CSRP2: variants seen among roughly 807,000 people sequenced by gnomAD.
CSRP2 encodes the protein cysteine and glycine rich protein 2.
Under a neutral mutation model 24.6 loss-of-function variants are expected in CSRP2, and 18 were observed. The observed-to-expected ratio is 0.73, with a 90% CI of 0.51 to 1.09. The LOEUF is 1.09. Ranked by LOEUF, CSRP2 falls within the 50% of genes least tolerant of loss-of-function variation. CSRP2 has a pLI of 0.00. For missense variants in CSRP2, 215 were observed against 239.4 expected (o/e 0.90, Z 0.67); for synonymous variants, 87 against 84.3 (o/e 1.03, Z -0.18).
At chr12:76,859,156 G>C in intron 5 of CSRP2, 128 bp from the exon 6 acceptor site, 1 of 719,410 alleles carries the variant, frequency 1.4e-6, no homozygotes, top group Non-Finnish European at 2.4e-6. Context: ...TATTTAAGAT[G>C]TTAAATGTGT....
At chr12:76,862,887 A>T (rs779581287) in intron 3 of CSRP2, 1 of 1,530,762 alleles carries the variant, frequency 6.5e-7, no homozygotes, top group South Asian at 1.2e-5. Context: ...CCGGTCTCCA[A>T]GGTGCTGTGA....
chr12:76,875,532 TA>T (rs1223587651), intron 1 of CSRP2, among the ~76,000 whole-genome samples: 2 of 152,234 alleles, frequency 1.3e-5, no homozygotes, highest in Non-Finnish European at 2.9e-5. Flanking sequence ...ACAAGTTATT[TA>T]ATTATTCAAA....
Position 76,859,566 on chromosome 12 carries a change from T to C in CSRP2, c.486A>G (p.Glu162=), listed in dbSNP as rs777784627. The part of the protein sequence containing the change: ...SLESTTLTEK[E]GEIYCKGCYA... The stretch of plus-strand genomic sequence containing the variant: ...TTTTACCTTTACAATAGATTTCACC[T>C]TCTTTTTCAGTCAGAGTTGTTGATT... The change falls in exon 5 of 6, where the codon GAA becomes GAG. Residue 162 remains glutamate (E), a synonymous_variant. Coordinates refer to ENST00000311083, the MANE Select transcript of CSRP2 (RefSeq NM_001321.3). The C allele has an allele frequency of 6.2e-7, 1 of 1,613,410 alleles. No homozygotes were observed. The highest frequency in any genetic ancestry group is 8.5e-7 in the Non-Finnish European group (1 of 1,179,516).
chr12:76,870,697 A>ATT (rs983228951), intron 1 of CSRP2, among the ~76,000 whole-genome samples: 3 of 145,282 alleles, frequency 2.1e-5, no homozygotes, highest in Non-Finnish European at 4.6e-5. Flanking sequence ...TTGGATTTAC[A>ATT]TTTTTTTTTT....
At chr12:76,866,713 A>G (rs1464471965) in intron 1 of CSRP2, among the ~76,000 whole-genome samples, 1 of 152,234 alleles carries the variant, frequency 6.6e-6, no homozygotes. Flanking sequence ...TAATTGTAAC[A>G]ACACTAAATT....
intron 1 of CSRP2, among the ~76,000 whole-genome samples, chr12:76,873,935 C>G (rs1953827069): frequency 6.6e-6 from 1 of 152,130 alleles, no homozygotes; most frequent in Non-Finnish European, 1.5e-5. Context: ...TTATGAAGCT[C>G]TCATATAAAT....
Position 76,866,754 on chromosome 12 carries a change from C to T in CSRP2, c.-1-493G>A, listed in dbSNP as rs199967707. On this transcript the variant is annotated intron_variant, in intron 1 of 5. Coordinates refer to ENST00000311083, the MANE Select transcript of CSRP2 (RefSeq NM_001321.3). ...CGTTTAACATATATAAGCTATAACA[C>T]GCTTTCTAGGGAACAAAGTGTGTTG... Among the ~76,000 whole-genome samples, 20 of 152,294 alleles carry T rather than the reference C, an allele frequency of 1.3e-4. No homozygotes were observed. In the East Asian group the frequency reaches 2.3e-3, roughly 18 times the overall value.
rs138915986 is a variant in CSRP2, at chr12:76,867,468, C to T, written c.-1-1207G>A. On this transcript the variant is annotated intron_variant, in intron 1 of 5. Coordinates refer to ENST00000311083, the MANE Select transcript of CSRP2 (RefSeq NM_001321.3). ...AGGTTGCACTGAGCGAAGATTGTAC[C>T]ACTGCACTCCAGCCTGGGCGACAGA... Among the ~76,000 whole-genome samples, 472 of 152,140 alleles carry T rather than the reference C, an allele frequency of 3.1e-3. 2 individuals carry two copies. Among genetic ancestry groups the T allele is most frequent in the Non-Finnish European group, 5.7e-3 (386 of 68,014 alleles).
intron 1 of CSRP2, among the ~76,000 whole-genome samples, chr12:76,868,238 T>C (rs1289914494): frequency 6.6e-6 from 1 of 152,202 alleles, no homozygotes; most frequent in Non-Finnish European, 1.5e-5. Flanking sequence ...CATCAGTCTG[T>C]ACTTGGAAAT....
intron 3 of CSRP2, chr12:76,862,730 T>C: frequency 1.5e-6 from 2 of 1,311,226 alleles, no homozygotes; most frequent in Non-Finnish European, 9.7e-7. Flanking sequence ...GTAAAAAATT[T>C]TAAGTTAGAG....
chr12:76,859,850 C>G (rs1953657866), intron 4 of CSRP2, among the ~76,000 whole-genome samples: 1 of 152,222 alleles, frequency 6.6e-6, no homozygotes, highest in Non-Finnish European at 1.5e-5. Context: ...CAGCCTCAGT[C>G]CTAACCACAA....
At chr12:76,864,637 T>G in intron 2 of CSRP2, 1 of 77,572 alleles carries the variant, frequency 1.3e-5, no homozygotes, top group African/African-American at 4.8e-5. Flanking sequence ...GTAAGAAAAA[T>G]AAAAGGGGGG....
Position 76,860,276 on chromosome 12 carries a change from C to T in CSRP2, c.411+8G>A, listed in dbSNP as rs757931668. ...ATTTGCTGTTATTAATTCCAAATAG[C>T]ACTTTACCTTTCCAGCTCCAATTAT... On this transcript the variant is annotated splice_region_variant and intron_variant, in intron 4 of 5. Coordinates refer to ENST00000311083, the MANE Select transcript of CSRP2 (RefSeq NM_001321.3). 4.3e-6 allele frequency: 7 copies of T among 1,612,888 alleles called. No homozygotes were observed. The African/African-American group carries it at 5.3e-5, about 12-fold the overall frequency.
intron 1 of CSRP2, among the ~76,000 whole-genome samples, chr12:76,871,538 A>C (rs990684089): frequency 6.6e-6 from 1 of 152,214 alleles, no homozygotes; most frequent in African/African-American, 2.4e-5. Flanking sequence ...TGGGAGGCCA[A>C]GGCGGGCAGA....
chr12:76,863,576 A>G (rs1228393739), intron 2 of CSRP2: 24 of 428,170 alleles, frequency 5.6e-5, no homozygotes, highest in Non-Finnish European at 1.2e-5. Flanking sequence ...AATGTATCAG[A>G]ATATAACATC....
chr12:76,876,166 C>T (rs1237504379), intron 1 of CSRP2, among the ~76,000 whole-genome samples: 1 of 152,180 alleles, frequency 6.6e-6, no homozygotes, highest in Non-Finnish European at 1.5e-5. Context: ...AGCCCTCTTT[C>T]CTATAGTGAA....
At chr12:76,867,441 G>A (rs1048474234) in intron 1 of CSRP2, among the ~76,000 whole-genome samples, 11 of 151,992 alleles carry the variant, frequency 7.2e-5, no homozygotes, top group African/African-American at 1.9e-4. Context: ...ACCAGGAAGC[G>A]GAGGTTGCAC....
At chr12:76,876,130 T>C (rs1953849562) in intron 1 of CSRP2, among the ~76,000 whole-genome samples, 1 of 152,216 alleles carries the variant, frequency 6.6e-6, no homozygotes, top group African/African-American at 2.4e-5. Flanking sequence ...TTATTTTCTT[T>C]TGGAAGTACT....
intron 1 of CSRP2, among the ~76,000 whole-genome samples, chr12:76,871,504 C>T (rs1953796619): frequency 1.3e-5 from 2 of 152,200 alleles, no homozygotes; most frequent in African/African-American, 2.4e-5. Flanking sequence ...GATGCGGTGG[C>T]TCACGCCTGT....
Sources: allele counts gnomAD v4.1 joint callset (sites outside exome capture counted in the v4.1 genomes callset), GRCh38; gene constraint gnomAD v4.1.1; transcripts MANE v1.5; gene names NCBI Gene and HGNC (gene_info 2026-07-23, HGNC 2026-07-21).